HMGCL: variants seen among roughly 807,000 people sequenced by gnomAD.
HMGCL encodes 3-hydroxy-3-methylglutaryl-CoA lyase, also known as hydroxymethylglutaryl-CoA lyase, mitochondrial.
HMGCL carries 26 observed loss-of-function variants against 37.3 expected under a neutral mutation model. The observed-to-expected ratio is 0.70, with a 90% CI of 0.51 to 0.97. The LOEUF (loss-of-function observed/expected upper bound fraction) is 0.97, where lower values mean the gene tolerates loss of function less well. HMGCL is among the 50% of genes least tolerant of loss of function. The pLI is 0.00. For synonymous variants in HMGCL, 151 were observed against 148.0 expected (o/e 1.02, Z -0.15); for missense variants, 379 against 398.1 (o/e 0.95, Z 0.41).
chr1:23,815,050 A>G (rs1030215295), intron 4 of HMGCL, among the ~76,000 whole-genome samples: 3 of 152,038 alleles, frequency 2.0e-5, no homozygotes, highest in Admixed American at 6.6e-5. Context: ...TACTAAAAAT[A>G]CAAAAAATTA....
intron 5 of HMGCL, 69 bp downstream of exon 5, chr1:23,814,121 A>C: frequency 6.4e-7 from 1 of 1,560,850 alleles, no homozygotes; most frequent in Non-Finnish European, 8.8e-7. Context: ...CAGGAGGACC[A>C]CTTGAGTCAG....
chr1:23,817,495 G>A lies in HMGCL; in HGVS notation c.233C>T (p.Ser78Phe), dbSNP rs754253328. 15 of 1,611,030 alleles carry A rather than the reference G, an allele frequency of 9.3e-6. No individual in the cohort carries two copies. The Admixed American group carries it at 1.5e-4, about 16-fold the overall frequency. Residue 78 changes from serine (S) to phenylalanine (F), a missense_variant, in exon 3 of 9, where the codon TCT becomes TTT. Coordinates refer to ENST00000374490, the MANE Select transcript of HMGCL (RefSeq NM_000191.3). ...GCTCACCTGGGGAACCCACTTAGGA[G>A]ACACAAAGCTGGTGGTTTCTATAAC... ...LSVIETTSFV[S>F]PKWVPQMGDH... is the part of the protein sequence containing the mutation.
chr1:23,820,711 T>A, intron 1 of HMGCL, 118 bp from the exon 2 acceptor site: 1 of 761,588 alleles, frequency 1.3e-6, no homozygotes, highest in Non-Finnish European at 2.4e-6. Flanking sequence ...GAAATATTTC[T>A]CACCATTTAA....
chr1:23,819,185 C>CCCAATAT (rs1638668655), intron 2 of HMGCL, among the ~76,000 whole-genome samples: 1 of 151,972 alleles, frequency 6.6e-6, no homozygotes, highest in Non-Finnish European at 1.5e-5. Flanking sequence ...ATCTGTGCAG[C>CCCAATAT]CCAATATGTC....
intron 6 of HMGCL, chr1:23,810,353 C>T (rs898194705): frequency 1.1e-5 from 3 of 275,470 alleles, no homozygotes; most frequent in Non-Finnish European, 2.2e-5. Flanking sequence ...AATTCCCATG[C>T]CATGTTCTTC....
At chr1:23,808,397 C>A (rs1057031126) in intron 6 of HMGCL, 74 bp from the exon 7 acceptor site, 7 of 1,298,540 alleles carry the variant, frequency 5.4e-6, no homozygotes, top group South Asian at 3.6e-5. Context: ...GAAGAGGGGG[C>A]CTTTGCCTGG....
intron 7 of HMGCL, among the ~76,000 whole-genome samples, chr1:23,807,894 G>C (rs139615030): frequency 6.6e-6 from 1 of 152,256 alleles, no homozygotes; most frequent in Admixed American, 6.5e-5. Flanking sequence ...TGAGCCCCAT[G>C]CTTCCTCCCT....
At chr1:23,821,891 C>G (rs1250872113) in intron 1 of HMGCL, among the ~76,000 whole-genome samples, 1 of 152,162 alleles carries the variant, frequency 6.6e-6, no homozygotes, top group Admixed American at 6.6e-5. Context: ...TCTCTCTCAT[C>G]TTTCAGTTGC....
At chr1:23,816,542 C>T (rs991056658) in intron 4 of HMGCL, 133 bp downstream of exon 4, 6 of 765,530 alleles carry the variant, frequency 7.8e-6, no homozygotes, top group African/African-American at 1.7e-5. Context: ...GCCAGGTTTG[C>T]CCCAGGGTCT....
At chr1:23,815,454 G>A (rs1303869345) in intron 4 of HMGCL, among the ~76,000 whole-genome samples, 2 of 151,438 alleles carry the variant, frequency 1.3e-5, no homozygotes, top group African/African-American at 2.4e-5. Context: ...ATAAATTTCT[G>A]TTGTTTTTAA....
intron 5 of HMGCL, among the ~76,000 whole-genome samples, chr1:23,813,209 G>A (rs915670466): frequency 1.4e-5 from 2 of 144,486 alleles, no homozygotes; most frequent in South Asian, 2.3e-4. Context: ...ACTTTTCAAC[G>A]ATCATTCTGG....
In HMGCL at chr1:23,816,729, A is replaced by T. The variant is rs759086876; in HGVS notation, c.294T>A (p.Phe98Leu). Residue 98 changes from phenylalanine (F) to leucine (L), a missense_variant, in exon 4 of 9, where the codon TTT (phenylalanine) becomes TTA (leucine). By Grantham distance (22) the Phe-to-Leu change is conservative. Transcript: ENST00000374490. The part of the protein sequence containing the change: ...HTEVLKGIQK[F>L]PGINYPVLTP... ...TCAGGACTGGGTAGTTGATGCCAGG[A>T]AACTTCTGAATGCCCTTCAAGACTT... 1.2e-5 allele frequency: 20 copies of T among 1,613,762 alleles called. No individual in the cohort carries two copies. The East Asian group carries it at 4.5e-4, about 36-fold the overall frequency.
intron 1 of HMGCL, among the ~76,000 whole-genome samples, chr1:23,824,152 T>C (rs2148427767): frequency 6.6e-6 from 1 of 152,310 alleles, no homozygotes; most frequent in African/African-American, 2.4e-5. Flanking sequence ...TGAGGTATGG[T>C]GTACCTGCAT....
In HMGCL at chr1:23,806,346, A is replaced by G. The variant is rs1008937178; in HGVS notation, c.750+1789T>C. Reference sequence around the variant, plus strand: ...CTTCCCAGCTCAGTCTGAAAGAGTCAAAGTCCTACAAGGCCCCCGATCTGG... The same window carrying G: ...CTTCCCAGCTCAGTCTGAAAGAGTCGAAGTCCTACAAGGCCCCCGATCTGG... On this transcript the variant is annotated intron_variant, in intron 7 of 8. Coordinates refer to ENST00000374490, the MANE Select transcript of HMGCL (RefSeq NM_000191.3). The surrounding 1 kb of genome is among the most constrained non-coding windows in gnomAD (Gnocchi z 4.0). Among the ~76,000 whole-genome samples, 2 of 152,160 alleles carry G rather than the reference A, an allele frequency of 1.3e-5. No homozygotes were observed. The highest frequency in any genetic ancestry group is 4.8e-5 in the African/African-American group (2 of 41,426).
In HMGCL at chr1:23,825,405, A is replaced by G. The variant is rs755785656; in HGVS notation, c.11T>C (p.Met4Thr). 36 of 1,559,118 alleles carry G rather than the reference A, an allele frequency of 2.3e-5. No homozygotes were observed. Among genetic ancestry groups the G allele is most frequent in the Non-Finnish European group, 2.9e-5 (33 of 1,152,098 alleles). ...CAGTCGCCGCGGAAGCGCCTTCCTC[A>G]TTGCTGCCATCTTGGCCCAGAATCC... The part of the protein sequence containing the change: MAA[M>T]RKALPRRLVG... The change falls in exon 1 of 9, where the codon ATG (methionine) becomes ACG (threonine). Residue 4 changes from methionine (M) to threonine (T), a missense_variant. Transcript: ENST00000374490.
At position 23,810,921 on chromosome 1, in the gene HMGCL, A is replaced by G. The variant is rs148028861; in HGVS notation, c.498-122T>C. On this transcript the variant is annotated intron_variant, in intron 5 of 8. Coordinates refer to ENST00000374490, the MANE Select transcript of HMGCL (RefSeq NM_000191.3). ...GCAATCAACACCTGCAGCTGGGCGG[A>G]GTAAGGGCAGGGATGGTACAATTCA... 2.3e-4 allele frequency: 177 copies of G among 764,500 alleles called. 2 individuals are homozygous for G. The East Asian group carries it at 4.8e-3, about 21-fold the overall frequency. 47.4% of individuals were successfully genotyped at this position (764,500 alleles called of 1,614,324 possible).
chr1:23,810,518 A>G (rs563829170), intron 6 of HMGCL: 2 of 547,810 alleles, frequency 3.7e-6, no homozygotes, highest in South Asian at 3.9e-5. Context: ...CAGGCTGGAT[A>G]GAGGCCAGGG....
At chr1:23,816,022 C>T (rs1176768373) in intron 4 of HMGCL, among the ~76,000 whole-genome samples, 1 of 151,738 alleles carries the variant, frequency 6.6e-6, no homozygotes, top group Non-Finnish European at 1.5e-5. Context: ...AGTCTCAAGC[C>T]ATCCTGTGCC....
At chr1:23,802,679 G>T in intron 8 of HMGCL, 115 bp from the exon 9 acceptor site, 1 of 776,056 alleles carries the variant, frequency 1.3e-6, no homozygotes, top group South Asian at 1.4e-5. Context: ...AGATAAACAG[G>T]CTTTTTCCTT....
Sources: allele counts gnomAD v4.1 joint callset (sites outside exome capture counted in the v4.1 genomes callset), GRCh38; gene constraint gnomAD v4.1.1; non-coding constraint Gnocchi (gnomAD v3.1); transcripts MANE v1.5; gene names NCBI Gene and HGNC (gene_info 2026-07-23, HGNC 2026-07-21).